PPFIBP2: variants seen among roughly 807,000 people sequenced by gnomAD.
PPFIBP2 encodes the protein liprin-beta-2.
In PPFIBP2, 118 loss-of-function variants were observed where a neutral mutation model predicts 118.3. The ratio of observed to expected loss-of-function variants is 1.00; its 90% CI spans 0.86 to 1.16. The LOEUF (loss-of-function observed/expected upper bound fraction) is 1.16, where lower values mean the gene tolerates loss of function less well. Ranked by LOEUF, PPFIBP2 falls within the 50% of genes most tolerant of loss-of-function variation. The probability of loss-of-function intolerance (pLI) is 0.00; values close to 1 mark genes in which losing one functional copy is unlikely to be tolerated. For missense variants in PPFIBP2, 1,195 were observed against 1,073.1 expected (o/e 1.11, Z -1.59); for synonymous variants, 414 against 397.4 (o/e 1.04, Z -0.50).
At chr11:7,666,568 C>A in the PPFIBP2 span, 1 of 1,585,348 alleles carries the variant, frequency 6.3e-7, no homozygotes, top group Non-Finnish European at 8.7e-7. Context: ...AGAAGCAACA[C>A]TGAAAAAGCC....
Position 7,641,510 on chromosome 11 carries a change from T to A in PPFIBP2, c.1407T>A (p.Ala469=). 6.2e-7 allele frequency: 1 copy of A among 1,613,872 alleles called. No individual in the cohort carries two copies. The change falls in exon 16 of 24, where the codon GCT becomes GCA. Residue 469 remains alanine, a synonymous_variant. Coordinates refer to ENST00000299492, the MANE Select transcript of PPFIBP2 (RefSeq NM_003621.5). ...CAGAAAGTGGCTGGGACGACACTGC[T>A]GTGGTCAATGACCTCTCATCCACAT... ...RDTESGWDDT[A]VVNDLSSTSS...
chr11:7,515,271 A>G (rs924312468), intron 1 of PPFIBP2, among the ~76,000 whole-genome samples: 6 of 152,196 alleles, frequency 3.9e-5, no homozygotes, highest in African/African-American at 1.2e-4. Context: ...TCCATGTTTT[A>G]TTTAACATAT....
At chr11:7,650,216 A>G (rs1197770918) in intron 21 of PPFIBP2, among the ~76,000 whole-genome samples, 1 of 152,132 alleles carries the variant, frequency 6.6e-6, no homozygotes, top group Non-Finnish European at 1.5e-5. Flanking sequence ...CCCCAAACTG[A>G]AGATTGTCAG....
At position 7,629,522 on chromosome 11, in the gene PPFIBP2, A is replaced by T; in HGVS notation, c.952A>T (p.Met318Leu). The change falls in exon 10 of 24, where the codon ATG becomes TTG. Residue 318 changes from methionine (M) to leucine (L), a missense_variant. By Grantham distance (15) the Met-to-Leu change is conservative (BLOSUM62 2). Transcript: ENST00000299492. ...GTACCGGAAGGTAAAGGAGATTGTGATGGTCACTCAAGGTAAGAGCAAGGG... is the reference window on the plus strand; with the variant it reads ...GTACCGGAAGGTAAAGGAGATTGTGTTGGTCACTCAAGGTAAGAGCAAGGG... ...NQYRKVKEIV[M>L]VTQGPSERTL... 2.5e-6 allele frequency: 4 copies of T among 1,614,128 alleles called. No homozygotes were observed. Among genetic ancestry groups the T allele is most frequent in the Non-Finnish European group, 3.4e-6 (4 of 1,179,970 alleles).
At chr11:7,665,191 C>T in the PPFIBP2 span, 1 of 490,768 alleles carries the variant, frequency 2.0e-6, no homozygotes, top group Non-Finnish European at 3.5e-6. Flanking sequence ...GAGGCCCCAG[C>T]AGCCAGTCTC....
intron 3 of PPFIBP2, among the ~76,000 whole-genome samples, chr11:7,568,475 C>G (rs146791897): frequency 6.6e-6 from 1 of 152,278 alleles, no homozygotes; most frequent in African/African-American, 2.4e-5. Flanking sequence ...TGTTTTTAAT[C>G]AGGAGGGAAA....
At chr11:7,550,572 T>A (rs1233901048) in intron 2 of PPFIBP2, among the ~76,000 whole-genome samples, 3 of 152,210 alleles carry the variant, frequency 2.0e-5, no homozygotes, top group African/African-American at 7.2e-5. Flanking sequence ...ATTTCTCAGT[T>A]GATAGAGGGC....
At position 7,549,958 on chromosome 11, in the gene PPFIBP2, A is replaced by G. The variant is rs369090081; in HGVS notation, c.64+419A>G. Among the ~76,000 whole-genome samples, 16 of 152,350 alleles carry G rather than the reference A, an allele frequency of 1.1e-4. No individual in the cohort carries two copies. The South Asian group carries it at 3.1e-3, about 30-fold the overall frequency. On this transcript the variant is annotated intron_variant, in intron 2 of 23. Transcript: ENST00000299492. Reference sequence around the variant, plus strand: ...CCTCAGATGGTCTCCAGTGTGTTTCAGAGATGAAAGGCAGTTTTGTATTGA... The same window carrying G: ...CCTCAGATGGTCTCCAGTGTGTTTCGGAGATGAAAGGCAGTTTTGTATTGA...
At chr11:7,615,172 C>T (rs1373811838) in intron 6 of PPFIBP2, among the ~76,000 whole-genome samples, 2 of 151,954 alleles carry the variant, frequency 1.3e-5, no homozygotes, top group African/African-American at 4.8e-5. Context: ...CCCATCTCTA[C>T]TAAAACATAC....
chr11:7,656,994 C>T (rs1854746774), downstream of PPFIBP2: 1 of 369,464 alleles, frequency 2.7e-6, no homozygotes, highest in Admixed American at 3.5e-5. Flanking sequence ...TGTGTGTCTT[C>T]AACCATGCTG....
At chr11:7,515,833 C>T (rs904774081) in intron 1 of PPFIBP2, among the ~76,000 whole-genome samples, 1 of 152,162 alleles carries the variant, frequency 6.6e-6, no homozygotes. Flanking sequence ...TAGCCTGATA[C>T]AGAGAAAATC....
rs200304013 is a variant in PPFIBP2, at chr11:7,646,864, A to AT, written c.1647-1514dup. Among the ~76,000 whole-genome samples the AT allele has an allele frequency of 6.6e-3, 1,005 of 151,406 alleles. 10 individuals are homozygous for AT. Among genetic ancestry groups the AT allele is most frequent in the African/African-American group, 0.021 (871 of 41,264 alleles). On this transcript the variant is annotated intron_variant, in intron 17 of 23. Coordinates refer to ENST00000299492, the MANE Select transcript of PPFIBP2 (RefSeq NM_003621.5). ...TAATGAAATATTTCTAGATTTTGTG[A>AT]TTTTTTTTTCAGTTTTGCAAAACTT...
At chr11:7,524,805 G>A (rs567761269) in intron 1 of PPFIBP2, among the ~76,000 whole-genome samples, 40 of 152,098 alleles carry the variant, frequency 2.6e-4, no homozygotes, top group Non-Finnish European at 4.7e-4. Flanking sequence ...ATTTGGGATA[G>A]GAATAGCAGA....
At chr11:7,630,849 T>G in intron 10 of PPFIBP2, 76 bp from the exon 11 acceptor site, 1 of 1,030,314 alleles carries the variant, frequency 9.7e-7, no homozygotes, top group Non-Finnish European at 1.5e-6. Flanking sequence ...AGAAACAATG[T>G]TAGAATTTTG....
chr11:7,528,881 C>A (rs1287296869), intron 1 of PPFIBP2, among the ~76,000 whole-genome samples: 3 of 152,136 alleles, frequency 2.0e-5, no homozygotes, highest in African/African-American at 7.2e-5. Flanking sequence ...CTGAGCAGGT[C>A]TGCCCAGGGC....
At position 7,621,006 on chromosome 11, in the gene PPFIBP2, A is replaced by G. The variant is rs1849286784; in HGVS notation, c.690A>G (p.Glu230=). The G allele has an allele frequency of 6.2e-7, 1 of 1,611,796 alleles. No individual in the cohort carries two copies. Among genetic ancestry groups the G allele is most frequent in the Non-Finnish European group, 8.5e-7 (1 of 1,177,852 alleles). The change falls in exon 7 of 24, where the codon GAA becomes GAG. Residue 230 remains glutamate (E), a synonymous_variant. Coordinates refer to ENST00000299492, the MANE Select transcript of PPFIBP2 (RefSeq NM_003621.5). ...TGGAAAATGAAAGGAATCAGTATGAATGGAAGCTAAAGGCCACTAAGGTAA... is the reference window on the plus strand; with the variant it reads ...TGGAAAATGAAAGGAATCAGTATGAGTGGAAGCTAAAGGCCACTAAGGTAA... ...EELENERNQY[E]WKLKATKAEV... is the part of the protein sequence containing the mutation.
chr11:7,596,059 C>T (rs542479046), intron 4 of PPFIBP2, among the ~76,000 whole-genome samples: 17 of 152,204 alleles, frequency 1.1e-4, no homozygotes, highest in African/African-American at 3.9e-4. Flanking sequence ...TTAGAATCAG[C>T]GTTGAGGTTC....
chr11:7,639,128 G>A (rs1851805470), intron 14 of PPFIBP2, among the ~76,000 whole-genome samples: 1 of 152,142 alleles, frequency 6.6e-6, no homozygotes, highest in Admixed American at 6.5e-5. Flanking sequence ...TCTCAGGCAA[G>A]ATCCATATCA....
At chr11:7,615,227 T>C (rs1848492110) in intron 6 of PPFIBP2, among the ~76,000 whole-genome samples, 1 of 151,808 alleles carries the variant, frequency 6.6e-6, no homozygotes, top group African/African-American at 2.4e-5. Context: ...GTCCAGCTAC[T>C]TGGGAGACTG....
Sources: gnomAD v4.1 joint callset for allele counts (sites outside exome capture counted in the v4.1 genomes callset) on GRCh38, gnomAD v4.1.1 for gene constraint, MANE v1.5 for transcripts, NCBI Gene and HGNC (gene_info 2026-07-23, HGNC 2026-07-21) for gene names.